The following BRCC3 variants were observed in gnomAD, a reference collection of about 807,000 sequenced individuals.
The protein encoded by BRCC3 is lys-63-specific deubiquitinase BRCC36.
Under a neutral mutation model 28.0 loss-of-function variants are expected in BRCC3, and 15 were observed. The ratio of observed to expected loss-of-function variants is 0.54; its 90% confidence interval spans 0.36 to 0.82. The LOEUF (loss-of-function observed/expected upper bound fraction) is 0.82, where lower values mean the gene tolerates loss of function less well. Among genes scored for constraint, BRCC3 ranks in the 40% least tolerant of loss-of-function variants. The pLI, the probability that BRCC3 is intolerant of heterozygous loss-of-function variation, is 0.01. For synonymous variants in BRCC3, 66 were observed against 80.3 expected (o/e 0.82, Z 0.95); for missense variants, 109 against 225.9 (o/e 0.48, Z 3.32).
intron 5 of BRCC3, among the ~76,000 whole-genome samples, chrX:155,079,674 G>C (rs782624057): frequency 9.0e-6 from 1 of 111,076 alleles, no homozygotes; most frequent in South Asian, 3.8e-4. Context: ...GTTAGGTGGG[G>C]ATATTGTTGA....
chrX:155,081,059 A>G (rs1461301262), intron 5 of BRCC3, among the ~76,000 whole-genome samples: 3 of 112,013 alleles, frequency 2.7e-5, no homozygotes, highest in African/African-American at 9.7e-5. Context: ...GGCCGGGCAT[A>G]GTGGCTCACG....
At chrX:155,085,252 G>A (rs2074114582) in intron 5 of BRCC3, among the ~76,000 whole-genome samples, 1 of 112,460 alleles carries the variant, frequency 8.9e-6, no homozygotes, top group Non-Finnish European at 1.9e-5. Flanking sequence ...TAATAAAATG[G>A]GCTTTTAATA....
chrX:155,095,393 C>G (rs889339937), intron 7 of BRCC3, among the ~76,000 whole-genome samples: 1 of 111,079 alleles, frequency 9.0e-6, no homozygotes, highest in African/African-American at 3.3e-5. Context: ...CTCCACCTCC[C>G]GGGTTCAAGT....
At chrX:155,114,661 G>C (rs5986908) in intron 7 of BRCC3, among the ~76,000 whole-genome samples, 38,386 of 107,543 alleles carry the variant, frequency 0.36, 6,010 homozygotes, top group African/African-American at 0.57. Context: ...GGACTAGCAG[G>C]AGACTCAGGT....
intron 5 of BRCC3, among the ~76,000 whole-genome samples, chrX:155,080,326 C>G (rs1417280897): frequency 9.0e-6 from 1 of 111,284 alleles, no homozygotes; most frequent in Non-Finnish European, 1.9e-5. Context: ...TGAAGCAGAG[C>G]ACCCAGAAAA....
At chrX:155,088,081 T>C (rs1557295155) in intron 5 of BRCC3, among the ~76,000 whole-genome samples, 2 of 112,487 alleles carry the variant, frequency 1.8e-5, no homozygotes, top group Non-Finnish European at 3.8e-5. Context: ...TGCTATGTTC[T>C]TTTAGCAATA....
intron 5 of BRCC3, among the ~76,000 whole-genome samples, chrX:155,081,595 C>G (rs2074086291): frequency 8.9e-6 from 1 of 111,953 alleles, no homozygotes; most frequent in Non-Finnish European, 1.9e-5. Flanking sequence ...AACTAACTAC[C>G]TTTAACAGGA....
intron 7 of BRCC3, 129 bp from the exon 8 acceptor site, chrX:155,115,928 C>G: frequency 1.5e-6 from 1 of 671,997 alleles, no homozygotes; most frequent in Non-Finnish European, 2.2e-6. Flanking sequence ...AGTTGCATCA[C>G]TAAATGAATT....
At chrX:155,094,554 G>A (rs781817205) in intron 7 of BRCC3, among the ~76,000 whole-genome samples, 1 of 110,783 alleles carries the variant, frequency 9.0e-6, no homozygotes, top group South Asian at 3.8e-4. Flanking sequence ...TCATAAAGTT[G>A]CTTATAAATT....
intron 5 of BRCC3, among the ~76,000 whole-genome samples, chrX:155,087,266 C>T (rs1401940340): frequency 9.0e-6 from 1 of 111,717 alleles, no homozygotes; most frequent in African/African-American, 3.3e-5. Flanking sequence ...GAGAAGAATA[C>T]GCCTTCCCAC....
At chrX:155,100,737 C>T (rs782473717) in intron 7 of BRCC3, among the ~76,000 whole-genome samples, 47 of 111,520 alleles carry the variant, frequency 4.2e-4, no homozygotes, top group Non-Finnish European at 8.3e-4. Context: ...TTAATTATTC[C>T]CTTTGATATT....
At chrX:155,099,456 TC>T (rs1557296648) in intron 7 of BRCC3, 1 of 1,163,411 alleles carries the variant, frequency 8.6e-7, no homozygotes, top group African/African-American at 1.8e-5. Context: ...TTCCCAGAAG[TC>T]CCAGAAAACA....
Position 155,121,747 on chromosome X carries a change from T to G in BRCC3, c.*543T>G, listed in dbSNP as rs781958530. 8.9e-6 allele frequency: 1 copy of G among 112,071 alleles called. No individual in the cohort carries two copies. The highest frequency in any genetic ancestry group is 2.8e-4 in the East Asian group (1 of 3,588). The allele number at this position is 112,071 out of a possible 1,213,427, so 9.2% of individuals were successfully genotyped here. A position where few individuals can be genotyped will look rare whatever the true frequency, so the allele number is the denominator to read the frequency against. Reference sequence around the variant, plus strand: ...TCTTCAAAATTTAAAAACTTGTGATTTAAGAAGAGGAAAAGATAAGCTACA... The same window carrying G: ...TCTTCAAAATTTAAAAACTTGTGATGTAAGAAGAGGAAAAGATAAGCTACA... On this transcript the variant is annotated 3_prime_UTR_variant, in exon 11 of 11. Coordinates refer to ENST00000330045, the MANE Select transcript of BRCC3 (RefSeq NM_001018055.3).
intron 5 of BRCC3, among the ~76,000 whole-genome samples, chrX:155,082,436 A>G (rs1307345339): frequency 1.8e-5 from 2 of 112,376 alleles, no homozygotes; most frequent in Non-Finnish European, 3.8e-5. Flanking sequence ...AGGTAGGACA[A>G]GCACACACAC....
chrX:155,105,453 A>G (rs940843382), intron 7 of BRCC3, among the ~76,000 whole-genome samples: 36 of 111,867 alleles, frequency 3.2e-4, no homozygotes, highest in African/African-American at 1.2e-3. Context: ...ACTGCCCTCC[A>G]GCCTGGGCGA....
At chrX:155,077,119 T>C in intron 3 of BRCC3, 51 bp from the exon 4 acceptor site, 1 of 1,064,881 alleles carries the variant, frequency 9.4e-7, no homozygotes. Context: ...TGAAGGGGGA[T>C]GTGTTATTGG....
chrX:155,097,855 G>A (rs2074220453), intron 7 of BRCC3, among the ~76,000 whole-genome samples: 2 of 111,851 alleles, frequency 1.8e-5, no homozygotes, highest in Admixed American at 9.4e-5. Flanking sequence ...AATTAGCTGG[G>A]CGTGGTGGCA....
chrX:155,117,262 G>A (rs1420391407), intron 9 of BRCC3, among the ~76,000 whole-genome samples: 9 of 112,226 alleles, frequency 8.0e-5, no homozygotes, highest in Non-Finnish European at 1.5e-4. Context: ...CACAGATAGA[G>A]AGATAAAAGG....
At chrX:155,115,251 G>A (rs1280318284) in intron 7 of BRCC3, among the ~76,000 whole-genome samples, 1 of 112,184 alleles carries the variant, frequency 8.9e-6, no homozygotes, top group African/African-American at 3.2e-5. Flanking sequence ...CTACTTGGGT[G>A]TGGGGAGGGG....
Sources: allele counts gnomAD v4.1 joint callset (sites outside exome capture counted in the v4.1 genomes callset), GRCh38; gene constraint gnomAD v4.1.1; transcripts MANE v1.5; gene names NCBI Gene and HGNC (gene_info 2026-07-23, HGNC 2026-07-21).